The following DLG3 variants were observed in gnomAD, a reference collection of about 807,000 sequenced individuals.
DLG3 encodes discs large MAGUK scaffold protein 3, also known as disks large homolog 3.
In DLG3, 1 loss-of-function variant was observed where a neutral mutation model predicts 64.1. The ratio of observed to expected loss-of-function variants is 0.02; its 90% CI spans 0.01 to 0.07. The LOEUF (loss-of-function observed/expected upper bound fraction) is 0.07. Ranked by LOEUF, DLG3 falls within the 10% of genes least tolerant of loss-of-function variation. DLG3 has a pLI of 1.00. For synonymous variants in DLG3, 245 were observed against 259.8 expected (o/e 0.94, Z 0.55); for missense variants, 429 against 669.5 (o/e 0.64, Z 3.96).
intron 2 of DLG3, 26 bp from the exon 3 acceptor site, chrX:70,449,333 C>T: frequency 8.3e-7 from 1 of 1,211,441 alleles, no homozygotes; most frequent in Non-Finnish European, 1.1e-6. Context: ...AGTGAACAGA[C>T]TGTGCCTTTC....
chrX:70,467,745 C>G (rs2086907614), intron 9 of DLG3, among the ~76,000 whole-genome samples: 1 of 112,065 alleles, frequency 8.9e-6, no homozygotes, highest in African/African-American at 3.2e-5. Context: ...GTGTACCCAC[C>G]ACCTGGAGAA....
chrX:70,458,858 A>G (rs1169321245), intron 9 of DLG3, among the ~76,000 whole-genome samples: 2 of 112,878 alleles, frequency 1.8e-5, no homozygotes, highest in South Asian at 3.6e-4. Flanking sequence ...TAAAAATAGC[A>G]TGATGTTCTT....
chrX:70,449,448 C>A lies in DLG3; in HGVS notation c.498C>A (p.Ile166=). The A allele has an allele frequency of 1.7e-6, 2 of 1,211,476 alleles. No homozygotes were observed. Among genetic ancestry groups the A allele is most frequent in the Non-Finnish European group, 2.2e-6 (2 of 895,344 alleles). The part of the protein sequence containing the change: ...DDPGIFITKI[I]PGGAAAMDGR... ...CTGGCATCTTTATTACCAAGATTAT[C>A]CCTGGTGGAGCAGCTGCCATGGATG... Residue 166 remains isoleucine, a synonymous_variant, in exon 3 of 19, where the codon ATC becomes ATA. Coordinates refer to ENST00000374360, the MANE Select transcript of DLG3 (RefSeq NM_021120.4).
intron 9 of DLG3, among the ~76,000 whole-genome samples, chrX:70,478,161 C>A (rs1291632269): frequency 1.8e-5 from 2 of 112,256 alleles, no homozygotes; most frequent in African/African-American, 6.5e-5. Context: ...CCATTTTATG[C>A]GGCAATTATA....
At chrX:70,474,592 A>C (rs1356508823) in intron 9 of DLG3, among the ~76,000 whole-genome samples, 5 of 110,797 alleles carry the variant, frequency 4.5e-5, no homozygotes, top group African/African-American at 1.6e-4. Flanking sequence ...AGGTAGATAT[A>C]GTGTCATGTA....
intron 9 of DLG3, among the ~76,000 whole-genome samples, chrX:70,457,624 T>C (rs181735027): frequency 5.7e-4 from 61 of 107,052 alleles, no homozygotes; most frequent in African/African-American, 1.9e-3. Flanking sequence ...CAGGCTGGAG[T>C]GCAGTGGCAC....
At chrX:70,493,483 G>A in intron 12 of DLG3, 2 of 1,182,497 alleles carry the variant, frequency 1.7e-6, no homozygotes, top group Non-Finnish European at 2.3e-6. Flanking sequence ...AACGTAAGTA[G>A]CAGCAGAGTC....
chrX:70,490,111 C>A (rs762925655), intron 10 of DLG3, among the ~76,000 whole-genome samples: 13 of 111,989 alleles, frequency 1.2e-4, no homozygotes, highest in Admixed American at 2.8e-4. Flanking sequence ...GATCTGCCTG[C>A]CTCAGCCTCC....
In DLG3 at chrX:70,495,355, C is replaced by A. The variant is rs1569294419; in HGVS notation, c.1774-53C>A. The A allele has an allele frequency of 7.2e-6, 8 of 1,115,061 alleles. No individual in the cohort carries two copies. The East Asian group carries it at 1.2e-4, about 17-fold the overall frequency. 91.9% of individuals were successfully genotyped at this position (1,115,061 alleles called of 1,213,427 possible). ...CCATTCCCTCCCATCCCTTCCCCTT[C>A]CCCCCTCTTCTCCCCGTCGTCCTCT... On this transcript the variant is annotated intron_variant, in intron 12 of 18. Transcript: ENST00000374360.
At chrX:70,449,317 C>G in intron 2 of DLG3, 42 bp from the exon 3 acceptor site, 1 of 1,210,448 alleles carries the variant, frequency 8.3e-7, no homozygotes, top group Non-Finnish European at 1.1e-6. Flanking sequence ...TCCTTTGTGC[C>G]CTCAGAGTGA....
intron 12 of DLG3, among the ~76,000 whole-genome samples, chrX:70,494,160 G>A (rs982781816): frequency 1.8e-5 from 2 of 112,545 alleles, no homozygotes; most frequent in Non-Finnish European, 3.8e-5. Flanking sequence ...AAGTTGGTTC[G>A]GTAGGAAGAG....
chrX:70,488,042 T>A (rs759253170), intron 10 of DLG3, among the ~76,000 whole-genome samples: 1 of 107,154 alleles, frequency 9.3e-6, no homozygotes, highest in Non-Finnish European at 1.9e-5. Flanking sequence ...AGATGGAGTC[T>A]CGCTCTGTCA....
intron 9 of DLG3, chrX:70,455,372 C>G (rs958603715): frequency 3.6e-5 from 27 of 745,136 alleles, no homozygotes; most frequent in Non-Finnish European, 4.0e-5. Context: ...TCTGCCCTCT[C>G]CCTCGAATGC....
intron 8 of DLG3, 99 bp from the exon 9 acceptor site, chrX:70,454,115 G>A (rs1223058856): frequency 9.5e-6 from 7 of 738,154 alleles, no homozygotes; most frequent in Non-Finnish European, 1.4e-5. Flanking sequence ...CATCTAAACA[G>A]GCTTAGGGGT....
chrX:70,469,905 T>C (rs763971726), intron 9 of DLG3, among the ~76,000 whole-genome samples: 28 of 112,274 alleles, frequency 2.5e-4, no homozygotes, highest in South Asian at 7.5e-4. Context: ...TCACAATTGG[T>C]GACTTATTTC....
chrX:70,491,204 C>T (rs372302319), intron 10 of DLG3, among the ~76,000 whole-genome samples: 40 of 112,285 alleles, frequency 3.6e-4, no homozygotes, highest in Admixed American at 2.2e-3. Context: ...TGAGCCTCTG[C>T]GCCCGACCTC....
At chrX:70,496,010 C>T (rs1173299001) in intron 13 of DLG3, among the ~76,000 whole-genome samples, 1 of 111,807 alleles carries the variant, frequency 8.9e-6, no homozygotes, top group Non-Finnish European at 1.9e-5. Context: ...AGCTGGTCTG[C>T]TAGGGGCCTC....
At chrX:70,452,443 CCGGCAACGGCCCCGCCCCGCTGG>C in intron 7 of DLG3, 2 of 956,890 alleles carry the variant, frequency 2.1e-6, no homozygotes, top group Admixed American at 1.2e-4. Flanking sequence ...GGTGGCCTCG[CCGGCAACGGCCCCGCCCCGCTGG>C]CGGCAGCGGC....
At position 70,445,571 on chromosome X, in the gene DLG3, G is replaced by T; in HGVS notation, c.357+13G>T. 2 of 1,171,124 alleles carry T rather than the reference G, an allele frequency of 1.7e-6. No individual in the cohort carries two copies. The highest frequency in any genetic ancestry group is 2.3e-6 in the Non-Finnish European group (2 of 873,158). On this transcript the variant is annotated intron_variant, in intron 1 of 18. Coordinates refer to ENST00000374360, the MANE Select transcript of DLG3 (RefSeq NM_021120.4). ...CTGGTATGAGCAGGTATGGACCAGC[G>T]GAGGGGGGAGCGGTGGGGCAACCCA...
Sources: allele counts gnomAD v4.1 joint callset (sites outside exome capture counted in the v4.1 genomes callset), GRCh38; gene constraint gnomAD v4.1.1; transcripts MANE v1.5; gene names NCBI Gene and HGNC (gene_info 2026-07-23, HGNC 2026-07-21).